Variants in ATP8A2 observed in about 807,000 individuals in gnomAD.
ATP8A2 encodes ATPase phospholipid transporting 8A2, also known as phospholipid-transporting ATPase IB.
A neutral mutation model predicts 165.6 loss-of-function variants in ATP8A2; 100 were observed. The ratio of observed to expected loss-of-function variants is 0.60; its 90% CI spans 0.51 to 0.71. ATP8A2 has a LOEUF of 0.71. Among genes scored for constraint, ATP8A2 ranks in the 30% least tolerant of loss-of-function variants. The probability of loss-of-function intolerance (pLI) is 0.00; values close to 1 mark genes in which losing one functional copy is unlikely to be tolerated. For synonymous variants in ATP8A2, 543 were observed against 548.8 expected, an observed-to-expected ratio of 0.99 and a Z score of 0.15; for missense variants, 1,227 against 1,479.5, an observed-to-expected ratio of 0.83 and a Z score of 2.80.
At position 25,821,913 on chromosome 13, in the gene ATP8A2, T is replaced by TA. The variant is rs1951191614; in HGVS notation, c.2680-6201dup. Among the ~76,000 whole-genome samples, 3 of 152,130 alleles carry TA rather than the reference T, an allele frequency of 2.0e-5. 1 individual carries two copies. The highest frequency in any genetic ancestry group is 4.4e-5 in the Non-Finnish European group (3 of 68,018). Reference sequence around the variant, plus strand: ...TTACTGCTAGAAACAGCTATATAAATAAAACATGAATGTGTTAAACAAGTC... The same window carrying TA: ...TTACTGCTAGAAACAGCTATATAAATAAAAACATGAATGTGTTAAACAAGTC... On this transcript the variant is annotated intron_variant, in intron 27 of 36. Coordinates refer to ENST00000381655, the MANE Select transcript of ATP8A2 (RefSeq NM_016529.6).
intron 33 of ATP8A2, among the ~76,000 whole-genome samples, chr13:25,896,447 T>G (rs1364310652): frequency 1.3e-5 from 2 of 152,224 alleles, no homozygotes; most frequent in African/African-American, 2.4e-5. Context: ...AGTGCTTTAC[T>G]TCCAACTATG....
chr13:25,923,488 C>G (rs975067024), intron 33 of ATP8A2, among the ~76,000 whole-genome samples: 1 of 151,994 alleles, frequency 6.6e-6, no homozygotes, highest in Admixed American at 6.6e-5. Flanking sequence ...AGAAAAATGA[C>G]GCTATTAATA....
At chr13:25,698,044 A>T (rs1223576312) in intron 24 of ATP8A2, among the ~76,000 whole-genome samples, 1 of 152,212 alleles carries the variant, frequency 6.6e-6, no homozygotes, top group African/African-American at 2.4e-5. Flanking sequence ...ACCTTATCAT[A>T]TAATAAATTG....
intron 33 of ATP8A2, among the ~76,000 whole-genome samples, chr13:25,908,580 A>C (rs1208652167): frequency 6.6e-6 from 1 of 152,244 alleles, no homozygotes; most frequent in Non-Finnish European, 1.5e-5. Flanking sequence ...TGCACTCCAC[A>C]AATTCCAGAC....
intron 35 of ATP8A2, among the ~76,000 whole-genome samples, chr13:26,007,346 A>G (rs1222363123): frequency 3.3e-5 from 5 of 152,206 alleles, no homozygotes; most frequent in Non-Finnish European, 7.3e-5. Context: ...GTGCATGGAG[A>G]AATCAGTGCT....
At chr13:25,824,989 T>C (rs2138585845) in intron 27 of ATP8A2, among the ~76,000 whole-genome samples, 2 of 152,084 alleles carry the variant, frequency 1.3e-5, no homozygotes, top group South Asian at 4.2e-4. Flanking sequence ...ACCTATTTCT[T>C]TGAAAACTTT....
At chr13:25,523,430 G>T (rs1310845885) in intron 2 of ATP8A2, among the ~76,000 whole-genome samples, 4 of 152,040 alleles carry the variant, frequency 2.6e-5, no homozygotes, top group Admixed American at 2.6e-4. Flanking sequence ...ACACCACCTT[G>T]CCTGGCTAGG....
At chr13:25,664,247 A>T (rs2042106966) in intron 24 of ATP8A2, among the ~76,000 whole-genome samples, 1 of 152,228 alleles carries the variant, frequency 6.6e-6, no homozygotes, top group Non-Finnish European at 1.5e-5. Flanking sequence ...AAAGGTCTTT[A>T]CCTACTTTAC....
At chr13:25,911,815 A>G (rs1303161456) in intron 33 of ATP8A2, among the ~76,000 whole-genome samples, 1 of 152,150 alleles carries the variant, frequency 6.6e-6, no homozygotes, top group Non-Finnish European at 1.5e-5. Context: ...TACTATCCCA[A>G]CTTGCTAGAA....
At chr13:25,582,381 G>C (rs1015096699) in intron 23 of ATP8A2, among the ~76,000 whole-genome samples, 1 of 152,158 alleles carries the variant, frequency 6.6e-6, no homozygotes, top group Non-Finnish European at 1.5e-5. Flanking sequence ...TTCCCAGCTT[G>C]TTGACAACTT....
At chr13:25,826,516 A>G (rs1418955965) in intron 27 of ATP8A2, among the ~76,000 whole-genome samples, 1 of 152,188 alleles carries the variant, frequency 6.6e-6, no homozygotes, top group African/African-American at 2.4e-5. Flanking sequence ...TCCTGCTTCA[A>G]GAAACGCAGT....
At chr13:25,798,934 G>C (rs1950554453) in intron 27 of ATP8A2, among the ~76,000 whole-genome samples, 2 of 151,966 alleles carry the variant, frequency 1.3e-5, no homozygotes, top group African/African-American at 2.4e-5. Context: ...CAGGAGGATT[G>C]CTTGAGGCCA....
At chr13:25,751,354 G>T (rs990233531) in intron 25 of ATP8A2, among the ~76,000 whole-genome samples, 3 of 152,154 alleles carry the variant, frequency 2.0e-5, no homozygotes, top group Non-Finnish European at 2.9e-5. Context: ...CTGTAATGTA[G>T]CATCACTGAA....
At chr13:25,603,416 A>G (rs986112548) in intron 24 of ATP8A2, among the ~76,000 whole-genome samples, 1 of 151,170 alleles carries the variant, frequency 6.6e-6, no homozygotes, top group African/African-American at 2.4e-5. Flanking sequence ...GCTTTAGCCC[A>G]GGTGGCAGAG....
chr13:25,807,667 T>G (rs2138493912), intron 27 of ATP8A2, among the ~76,000 whole-genome samples: 1 of 152,370 alleles, frequency 6.6e-6, no homozygotes, highest in East Asian at 1.9e-4. Flanking sequence ...TCTTTAATCC[T>G]GTTACTGTAA....
intron 24 of ATP8A2, among the ~76,000 whole-genome samples, chr13:25,592,626 T>A (rs753927833): frequency 7.2e-5 from 11 of 152,192 alleles, no homozygotes; most frequent in Non-Finnish European, 1.3e-4. Context: ...GGCTTCCTTT[T>A]TTTCTGATGA....
At chr13:26,013,686 A>AG (rs61603410) in intron 36 of ATP8A2, among the ~76,000 whole-genome samples, 130,166 of 144,976 alleles carry the variant, frequency 0.9, 59,670 homozygotes, top group East Asian at 0.99. Flanking sequence ...AAAAAAAAAA[A>AG]AAAGAAAGAA....
At chr13:25,768,523 A>G (rs766559797) in intron 25 of ATP8A2, among the ~76,000 whole-genome samples, 5 of 151,248 alleles carry the variant, frequency 3.3e-5, no homozygotes, top group Non-Finnish European at 5.9e-5. Flanking sequence ...GGATGTAGGG[A>G]AGTCTTTTTT....
chr13:25,982,848 C>T (rs534114821), intron 35 of ATP8A2, among the ~76,000 whole-genome samples: 1 of 152,284 alleles, frequency 6.6e-6, no homozygotes, highest in East Asian at 1.9e-4. Context: ...GCAATTCTTC[C>T]ATTAGGCATA....
Sources: gnomAD v4.1 joint callset for allele counts (sites outside exome capture counted in the v4.1 genomes callset) on GRCh38, gnomAD v4.1.1 for gene constraint, MANE v1.5 for transcripts, NCBI Gene and HGNC (gene_info 2026-07-23, HGNC 2026-07-21) for gene names.